The following PDCD6 variants were observed in gnomAD, a reference collection of about 807,000 sequenced individuals.
The protein encoded by PDCD6 is programmed cell death 6.
In PDCD6, 12 loss-of-function variants were observed where a neutral mutation model predicts 28.3. The ratio of observed to expected loss-of-function variants is 0.42; its 90% CI spans 0.27 to 0.69. The LOEUF (loss-of-function observed/expected upper bound fraction) is 0.69, where lower values mean the gene tolerates loss of function less well. Ranked by LOEUF, PDCD6 falls within the 30% of genes least tolerant of loss-of-function variation. The pLI is 0.22. For synonymous variants in PDCD6, 92 were observed against 108.0 expected, an observed-to-expected ratio of 0.85 and a Z score of 0.92; for missense variants, 226 against 269.9, an observed-to-expected ratio of 0.84 and a Z score of 1.14.
chr5:274,424 T>A (rs3975658), intron 2 of PDCD6, among the ~76,000 whole-genome samples: 4 of 152,252 alleles, frequency 2.6e-5, no homozygotes, highest in Admixed American at 6.5e-5. Flanking sequence ...CTTTGGGGCC[T>A]GCCTGGATTC....
intron 2 of PDCD6, among the ~76,000 whole-genome samples, chr5:302,602 C>T (rs28681562): frequency 1.7e-5 from 2 of 118,572 alleles, no homozygotes; most frequent in Admixed American, 8.8e-5. Context: ...GAGTGCTGCT[C>T]TGTGTGTATG....
intron 2 of PDCD6, among the ~76,000 whole-genome samples, chr5:285,499 C>T (rs557360400): frequency 1.0e-3 from 155 of 150,400 alleles, no homozygotes; most frequent in Non-Finnish European, 1.9e-3. Flanking sequence ...GTTTGCAGGC[C>T]GTGCAGCTGG....
At chr5:299,705 A>G (rs1339808839) in intron 2 of PDCD6, among the ~76,000 whole-genome samples, 1 of 152,000 alleles carries the variant, frequency 6.6e-6, no homozygotes, top group Non-Finnish European at 1.5e-5. Context: ...ACACGCCGCC[A>G]TGCCTGGCTA....
intron 4 of PDCD6, chr5:309,585 G>C: frequency 4.2e-6 from 1 of 238,450 alleles, no homozygotes; most frequent in Non-Finnish European, 8.2e-6. Context: ...GCACCCCAGT[G>C]ATGGCCGCCG....
chr5:290,384 C>T (rs1579506946), intron 2 of PDCD6: 1 of 857,500 alleles, frequency 1.2e-6, no homozygotes, highest in Non-Finnish European at 1.9e-6. Context: ...ACCGGAATGC[C>T]TCCCCCCACC....
chr5:303,925 A>G (rs1222452029), intron 2 of PDCD6, among the ~76,000 whole-genome samples: 1 of 151,660 alleles, frequency 6.6e-6, no homozygotes, highest in African/African-American at 2.4e-5. Flanking sequence ...TCCAGCCGCG[A>G]TGACTGTGGA....
chr5:306,889 G>A lies in PDCD6; in HGVS notation c.367+129G>A. On this transcript the variant is annotated intron_variant, in intron 4 of 5. Transcript: ENST00000264933. ...TACGTAAAGTTTTTGTTGACGTCAT[G>A]CAGGTTCATATTTGATATTGCTCAT... 2 of 876,758 alleles carry A rather than the reference G, an allele frequency of 2.3e-6. 1 individual carries two copies. The highest frequency in any genetic ancestry group is 3.8e-6 in the Non-Finnish European group (2 of 531,450). The allele number at this position is 876,758 out of a possible 1,614,324, so 54.3% of individuals were successfully genotyped here. A position where few individuals can be genotyped will look rare whatever the true frequency, so the allele number is the denominator to read the frequency against.
Position 311,357 on chromosome 5 carries a change from G to A in PDCD6, c.432G>A (p.Gly144=), listed in dbSNP as rs756330213. The A allele has an allele frequency of 9.9e-6, 16 of 1,613,948 alleles. No individual in the cohort carries two copies. The East Asian group carries it at 2.0e-4, about 20-fold the overall frequency. ...LIRKFDRQGR[G]QIAFDDFIQG... ...GAAAGTTTGACAGGCAGGGACGGGG[G>A]CAGATTGCCTTCGACGACTTCATCC... The change falls in exon 5 of 6, where the codon GGG becomes GGA. Residue 144 remains glycine, a synonymous_variant. Transcript: ENST00000264933.
intron 2 of PDCD6, chr5:273,360 G>C (rs113008027): frequency 6.5e-6 from 1 of 153,352 alleles, no homozygotes; most frequent in Non-Finnish European, 1.5e-5. Context: ...CCGGGTCCTT[G>C]CGTGTTGTGA....
At chr5:293,049 C>T (rs1376144982) in intron 2 of PDCD6, among the ~76,000 whole-genome samples, 7 of 152,304 alleles carry the variant, frequency 4.6e-5, no homozygotes, top group East Asian at 3.9e-4. Context: ...CTGCACCATC[C>T]GGAAAACCAA....
intron 2 of PDCD6, among the ~76,000 whole-genome samples, chr5:284,970 A>T (rs1738851584): frequency 7.0e-6 from 1 of 142,444 alleles, no homozygotes; most frequent in South Asian, 2.5e-4. Context: ...CTCCAGCTGC[A>T]CAGCTCTCAA....
At chr5:273,697 G>GGGA (rs1737991811) in intron 2 of PDCD6, among the ~76,000 whole-genome samples, 2 of 152,128 alleles carry the variant, frequency 1.3e-5, no homozygotes, top group East Asian at 3.8e-4. Flanking sequence ...GTGGGTGGGG[G>GGGA]GGTGCTGGAT....
At chr5:312,114 C>T (rs1241194081) in intron 5 of PDCD6, 1 of 152,446 alleles carries the variant, frequency 6.6e-6, no homozygotes, top group Non-Finnish European at 1.5e-5. Flanking sequence ...AGGCCGCCCT[C>T]AGTGGGGTCT....
At chr5:287,631 T>C (rs1448408275) in intron 2 of PDCD6, among the ~76,000 whole-genome samples, 2 of 152,170 alleles carry the variant, frequency 1.3e-5, no homozygotes, top group African/African-American at 4.8e-5. Context: ...TCAAATAAAA[T>C]ATAAATTGAA....
intron 2 of PDCD6, among the ~76,000 whole-genome samples, chr5:288,284 T>TAC (rs1319402961): frequency 2.4e-4 from 21 of 88,308 alleles, no homozygotes; most frequent in African/African-American, 9.3e-4. Flanking sequence ...CTTAAAATAA[T>TAC]ATATATATTA....
chr5:284,677 T>G (rs114196418), intron 2 of PDCD6, among the ~76,000 whole-genome samples: 1 of 92,194 alleles, frequency 1.1e-5, no homozygotes, highest in African/African-American at 1.1e-4. Context: ...GATGTTCCAG[T>G]TTGAGGTCCA....
intron 2 of PDCD6, chr5:289,294 A>G: frequency 1.9e-6 from 1 of 534,046 alleles, no homozygotes; most frequent in South Asian, 2.5e-5. Context: ...GTGGGAGAAA[A>G]GCCCAATGTC....
At chr5:313,472 T>A (rs1386140709) in intron 5 of PDCD6, among the ~76,000 whole-genome samples, 1 of 152,050 alleles carries the variant, frequency 6.6e-6, no homozygotes, top group Non-Finnish European at 1.5e-5. Context: ...GGGTTGTTTT[T>A]TTTTCTTTGA....
intron 4 of PDCD6, chr5:309,491 G>T: frequency 4.8e-6 from 1 of 206,352 alleles, no homozygotes; most frequent in South Asian, 6.2e-5. Context: ...TGTCTGTGCA[G>T]ACTGGAGTTC....
Sources: allele counts gnomAD v4.1 joint callset (sites outside exome capture counted in the v4.1 genomes callset), GRCh38; gene constraint gnomAD v4.1.1; transcripts MANE v1.5; gene names NCBI Gene and HGNC (gene_info 2026-07-23, HGNC 2026-07-21).